Variants in FSD1L observed in about 807,000 individuals in gnomAD.
FSD1L encodes fibronectin type III and SPRY domain containing 1 like.
In FSD1L, 45 loss-of-function variants were observed where a neutral mutation model predicts 71.6. The observed-to-expected ratio is 0.63, with a 90% CI of 0.49 to 0.81. The LOEUF (loss-of-function observed/expected upper bound fraction) is 0.81, where lower values mean the gene tolerates loss of function less well. Among genes scored for constraint, FSD1L ranks in the 30% least tolerant of loss-of-function variants. The pLI, the probability that FSD1L is intolerant of heterozygous loss-of-function variation, is 0.00. For synonymous variants in FSD1L, 197 were observed against 207.2 expected, an observed-to-expected ratio of 0.95 and a Z score of 0.42; for missense variants, 561 against 618.1, an observed-to-expected ratio of 0.91 and a Z score of 0.98.
rs1837172352 is a variant in FSD1L at position 105,549,322 on chromosome 9, A to C, written c.*2839A>C. On this transcript the variant is annotated 3_prime_UTR_variant, in exon 14 of 14. Coordinates refer to ENST00000481272, the MANE Select transcript of FSD1L (RefSeq NM_001145313.3). ...ATGAAGGAGCTGCCTTAAGCACTTT[A>C]GAAAAAGAATTTTTTTACAATTCAT... 1 of 152,114 alleles carries C rather than the reference A, an allele frequency of 6.6e-6. No individual in the cohort carries two copies. The highest frequency in any genetic ancestry group is 2.1e-4 in the South Asian group (1 of 4,836). The allele number at this position is 152,114 out of a possible 1,614,324, so 9.4% of individuals were successfully genotyped here. A position where few individuals can be genotyped will look rare whatever the true frequency, so the allele number is the denominator to read the frequency against.
intron 2 of FSD1L, among the ~76,000 whole-genome samples, chr9:105,463,872 C>A: frequency 6.6e-6 from 1 of 152,042 alleles, no homozygotes; most frequent in East Asian, 1.9e-4. Context: ...TCCTCGGTTC[C>A]TGATGTTGTA....
chr9:105,459,091 C>T (rs1246279596), intron 1 of FSD1L, among the ~76,000 whole-genome samples: 2 of 152,190 alleles, frequency 1.3e-5, no homozygotes, highest in African/African-American at 4.8e-5. Context: ...CAGCCAGTCT[C>T]CCCTTGTATA....
At chr9:105,494,552 G>A (rs550505061) in intron 7 of FSD1L, among the ~76,000 whole-genome samples, 43 of 152,312 alleles carry the variant, frequency 2.8e-4, no homozygotes, top group South Asian at 6.2e-4. Flanking sequence ...GAGGAGCTGC[G>A]TTCCTTTGGA....
chr9:105,444,911 A>C (rs1478288885), upstream of FSD1L, among the ~76,000 whole-genome samples: 1 of 152,240 alleles, frequency 6.6e-6, no homozygotes, highest in Non-Finnish European at 1.5e-5. Context: ...TTCCTGATTC[A>C]GTAGATCCAG....
At position 105,535,319 on chromosome 9, in the gene FSD1L, G is replaced by T. The variant is rs765185109; in HGVS notation, c.1378+1G>T. ...GGTGTATTTTGTGATTTTGATGGGG[G>T]TAAGTTTATTTTCTCGTAGGTTATT... On this transcript the variant is annotated splice_donor_variant, in intron 12 of 13. Coordinates refer to ENST00000481272, the MANE Select transcript of FSD1L (RefSeq NM_001145313.3). LOFTEE classifies it high-confidence loss of function. 2.6e-6 allele frequency: 4 copies of T among 1,551,156 alleles called. No individual in the cohort carries two copies. The highest frequency in any genetic ancestry group is 2.4e-5 in the East Asian group (1 of 40,880).
At chr9:105,534,460 ATTTG>A (rs1836131439) in intron 10 of FSD1L, 29 bp from the exon 11 acceptor site, 1 of 1,153,600 alleles carries the variant, frequency 8.7e-7, no homozygotes. Context: ...AGTATAAAAT[ATTTG>A]TTTTTCTTTT....
chr9:105,546,606 A>G lies in FSD1L; in HGVS notation c.*123A>G, dbSNP rs1837022106. 1.1e-6 allele frequency: 1 copy of G among 913,714 alleles called. No individual in the cohort carries two copies. Among genetic ancestry groups the G allele is most frequent in the East Asian group, 2.9e-5 (1 of 34,670 alleles). 56.6% of individuals were successfully genotyped at this position (913,714 alleles called of 1,614,324 possible). A position where few individuals can be genotyped will look rare whatever the true frequency, so the allele number is the denominator to read the frequency against. On this transcript the variant is annotated 3_prime_UTR_variant, in exon 14 of 14. Transcript: ENST00000481272. ...GCTGTGTTCTGCTTTGAGGCCTGGA[A>G]TCTTTTATCATTAAACACCTAGTAC...
chr9:105,461,225 C>G (rs950644547), intron 1 of FSD1L, among the ~76,000 whole-genome samples: 1 of 152,058 alleles, frequency 6.6e-6, no homozygotes, highest in Non-Finnish European at 1.5e-5. Flanking sequence ...ATGACATAGA[C>G]CTCTTAAGTC....
At chr9:105,495,397 G>A (rs1041755343) in intron 7 of FSD1L, among the ~76,000 whole-genome samples, 10 of 152,272 alleles carry the variant, frequency 6.6e-5, no homozygotes, top group East Asian at 3.9e-4. Context: ...TCCAGGTGCC[G>A]TCTGTCACCC....
chr9:105,509,276 T>C (rs1476642588), intron 9 of FSD1L, among the ~76,000 whole-genome samples: 1 of 152,224 alleles, frequency 6.6e-6, no homozygotes, highest in African/African-American at 2.4e-5. Flanking sequence ...CCATGATCCC[T>C]AGACCTAGTT....
At chr9:105,490,919 T>C in intron 7 of FSD1L, among the ~76,000 whole-genome samples, 1 of 145,144 alleles carries the variant, frequency 6.9e-6, no homozygotes, top group African/African-American at 2.6e-5. Context: ...CCTTGTAGTA[T>C]AGTTTGAAGT....
chr9:105,525,862 G>T (rs1835475956), intron 10 of FSD1L: 5 of 1,584,712 alleles, frequency 3.2e-6, no homozygotes, highest in Non-Finnish European at 4.3e-6. Context: ...TCCATATTTT[G>T]CTACCTCTAC....
intron 9 of FSD1L, among the ~76,000 whole-genome samples, chr9:105,510,988 C>T (rs77222206): frequency 5.4e-4 from 76 of 140,726 alleles, no homozygotes; most frequent in Middle Eastern, 3.6e-3. Context: ...TGAGGCTAGT[C>T]TTTTTTTTTT....
chr9:105,453,304 C>T (rs931412050), intron 1 of FSD1L, among the ~76,000 whole-genome samples: 1 of 151,822 alleles, frequency 6.6e-6, no homozygotes, highest in African/African-American at 2.4e-5. Context: ...GTCTTCGCCT[C>T]CCTCGTAGCT....
At chr9:105,455,219 C>T (rs1282184194) in intron 1 of FSD1L, among the ~76,000 whole-genome samples, 1 of 152,160 alleles carries the variant, frequency 6.6e-6, no homozygotes, top group Non-Finnish European at 1.5e-5. Context: ...GTTACCTTGT[C>T]CAGCCCACTG....
rs748897545 is a variant in FSD1L at position 105,534,487 on chromosome 9, A to G, written c.1026-6A>G. The G allele has an allele frequency of 4.1e-6, 6 of 1,481,232 alleles. No homozygotes were observed. Among genetic ancestry groups the G allele is most frequent in the African/African-American group, 1.4e-5 (1 of 71,332 alleles). 91.8% of individuals were successfully genotyped at this position (1,481,232 alleles called of 1,614,324 possible). A position where few individuals can be genotyped will look rare whatever the true frequency, so the allele number is the denominator to read the frequency against. On this transcript the variant is annotated splice_region_variant and splice_polypyrimidine_tract_variant and intron_variant, in intron 10 of 13. Coordinates refer to ENST00000481272, the MANE Select transcript of FSD1L (RefSeq NM_001145313.3). ...TTGTTTTTCTTTTTTCTTTTTGTTTATATAGAAGTGGTACACCATCCCCAA... is the reference window on the plus strand; with the variant it reads ...TTGTTTTTCTTTTTTCTTTTTGTTTGTATAGAAGTGGTACACCATCCCCAA...
rs139316464 is a variant in FSD1L at position 105,529,807 on chromosome 9, A to T, written c.1026-4686A>T. Among the ~76,000 whole-genome samples the T allele has an allele frequency of 6.4e-3, 974 of 152,006 alleles. 2 individuals are homozygous for T. Among genetic ancestry groups the T allele is most frequent in the Non-Finnish European group, 8.9e-3 (606 of 67,924 alleles). On this transcript the variant is annotated intron_variant, in intron 10 of 13. Transcript: ENST00000481272. ...AAAGAGAAAAAAAATCACACACAGG[A>T]TTTGGGTCTGGAGCAAGAGTCCTGA...
chr9:105,451,596 G>C (rs112957087), intron 1 of FSD1L, among the ~76,000 whole-genome samples: 4 of 152,194 alleles, frequency 2.6e-5, no homozygotes, highest in Non-Finnish European at 4.4e-5. Flanking sequence ...GAAAACCACA[G>C]TATTAACTCC....
Position 105,464,219 on chromosome 9 carries a change from G to T in FSD1L, c.112-17G>T. 1 of 1,298,590 alleles carries T rather than the reference G, an allele frequency of 7.7e-7. No homozygotes were observed. The highest frequency in any genetic ancestry group is 1.1e-6 in the Non-Finnish European group (1 of 936,530). The allele number at this position is 1,298,590 out of a possible 1,614,324, so 80.4% of individuals were successfully genotyped here. On this transcript the variant is annotated splice_polypyrimidine_tract_variant and intron_variant, in intron 2 of 13. Coordinates refer to ENST00000481272, the MANE Select transcript of FSD1L (RefSeq NM_001145313.3). Reference sequence around the variant, plus strand: ...TTCCATTGAAATATAGTATTTTAATGCTTTTCTTAATTCTAGGAAGCTCTA... The same window carrying T: ...TTCCATTGAAATATAGTATTTTAATTCTTTTCTTAATTCTAGGAAGCTCTA...
Sources: gnomAD v4.1 joint callset for allele counts (sites outside exome capture counted in the v4.1 genomes callset) on GRCh38, gnomAD v4.1.1 for gene constraint, MANE v1.5 for transcripts, NCBI Gene and HGNC (gene_info 2026-07-23, HGNC 2026-07-21) for gene names.